RFX3: variants seen among roughly 807,000 people sequenced by gnomAD.
RFX3 encodes the protein regulatory factor X3, also known as transcription factor RFX3.
RFX3 carries 14 observed loss-of-function variants against 98.6 expected under a neutral mutation model. That is an observed-to-expected ratio of 0.14 (90% CI 0.09 to 0.22). The LOEUF is 0.22. RFX3 is among the 10% of genes least tolerant of loss of function. The pLI, the probability that RFX3 is intolerant of heterozygous loss-of-function variation, is 1.00. For synonymous variants in RFX3, 383 were observed against 328.4 expected, an observed-to-expected ratio of 1.17 and a Z score of -1.80; for missense variants, 639 against 926.9, an observed-to-expected ratio of 0.69 and a Z score of 4.03.
intron 2 of RFX3, among the ~76,000 whole-genome samples, chr9:3,352,291 T>C (rs1300203868): frequency 6.6e-6 from 1 of 152,004 alleles, no homozygotes; most frequent in Non-Finnish European, 1.5e-5. Flanking sequence ...TATGTTCGTA[T>C]GTGTATACAA....
intron 3 of RFX3, among the ~76,000 whole-genome samples, chr9:3,343,124 T>C (rs1373343857): frequency 6.6e-6 from 1 of 152,224 alleles, no homozygotes; most frequent in African/African-American, 2.4e-5. Flanking sequence ...TGATTACACA[T>C]ATTCATAAGT....
chr9:3,498,473 A>T (rs1055561516), intron 1 of RFX3, among the ~76,000 whole-genome samples: 1 of 152,074 alleles, frequency 6.6e-6, no homozygotes, highest in African/African-American at 2.4e-5. Context: ...AGAGTGAGAA[A>T]ACACAAATAT....
chr9:3,229,334 C>G (rs913748852), intron 15 of RFX3, among the ~76,000 whole-genome samples: 2 of 152,144 alleles, frequency 1.3e-5, no homozygotes, highest in South Asian at 4.1e-4. Flanking sequence ...AGCAGTTTGG[C>G]TGAACTCTAT....
chr9:3,278,274 C>CA (rs1260923054), intron 7 of RFX3, among the ~76,000 whole-genome samples: 2 of 151,738 alleles, frequency 1.3e-5, no homozygotes, highest in Admixed American at 1.3e-4. Context: ...ATAAGCAAAA[C>CA]AAAATAAGTA....
At chr9:3,425,833 TTTAA>T (rs1452462638) in intron 1 of RFX3, among the ~76,000 whole-genome samples, 1 of 152,240 alleles carries the variant, frequency 6.6e-6, no homozygotes, top group African/African-American at 2.4e-5. Context: ...TTCATTTTTC[TTTAA>T]TTTTCTTCTA....
chr9:3,304,964 G>A (rs753881411), intron 4 of RFX3, among the ~76,000 whole-genome samples: 1 of 152,004 alleles, frequency 6.6e-6, no homozygotes, highest in Non-Finnish European at 1.5e-5. Flanking sequence ...AATGAAAACT[G>A]TGAACTCTCT....
At chr9:3,486,288 T>G (rs1850269810) in intron 1 of RFX3, among the ~76,000 whole-genome samples, 3 of 152,128 alleles carry the variant, frequency 2.0e-5, no homozygotes, top group Admixed American at 2.0e-4. Context: ...GTCTTTTTTA[T>G]GACAAATAAA....
intron 12 of RFX3, 54 bp downstream of exon 12, chr9:3,266,154 C>T (rs936733752): frequency 1.9e-6 from 2 of 1,061,268 alleles, no homozygotes; most frequent in Non-Finnish European, 2.9e-6. Context: ...GTAAAGTTCA[C>T]AATTCAGAAT....
intron 2 of RFX3, among the ~76,000 whole-genome samples, chr9:3,366,233 T>G (rs943203775): frequency 6.6e-6 from 1 of 152,176 alleles, no homozygotes; most frequent in Admixed American, 6.5e-5. Context: ...GAGCATTTTA[T>G]GCCCCGGATG....
chr9:3,284,443 A>G (rs757743673), intron 7 of RFX3, among the ~76,000 whole-genome samples: 1 of 151,710 alleles, frequency 6.6e-6, no homozygotes, highest in African/African-American at 2.4e-5. Context: ...GTGCAAAAAA[A>G]TTATTTTCAT....
intron 2 of RFX3, among the ~76,000 whole-genome samples, chr9:3,356,445 G>A (rs1184169348): frequency 6.6e-6 from 1 of 151,654 alleles, no homozygotes; most frequent in Middle Eastern, 3.2e-3. Flanking sequence ...ACCAAAACTG[G>A]CCCCAAAACA....
At chr9:3,324,654 G>C (rs911404329) in intron 4 of RFX3, among the ~76,000 whole-genome samples, 2 of 151,610 alleles carry the variant, frequency 1.3e-5, no homozygotes, top group Admixed American at 1.3e-4. Flanking sequence ...CTAGAATATT[G>C]TTAGAATAAT....
intron 1 of RFX3, among the ~76,000 whole-genome samples, chr9:3,425,812 C>A (rs151264289): frequency 6.4e-4 from 98 of 152,246 alleles, no homozygotes; most frequent in African/African-American, 2.3e-3. Context: ...CCTTAGGTCC[C>A]TGAATCTCTG....
chr9:3,485,592 C>T (rs1338367760), intron 1 of RFX3, among the ~76,000 whole-genome samples: 2 of 152,118 alleles, frequency 1.3e-5, no homozygotes, highest in Admixed American at 6.5e-5. Flanking sequence ...GTACATAATA[C>T]GGAATTTGTA....
At chr9:3,359,232 C>A (rs753751951) in intron 2 of RFX3, among the ~76,000 whole-genome samples, 4 of 151,836 alleles carry the variant, frequency 2.6e-5, no homozygotes, top group Admixed American at 6.6e-5. Context: ...AAAAGAGGAA[C>A]CAAAAAAGCG....
chr9:3,504,959 ATATATAATATATAT>A (rs1218015182), intron 1 of RFX3, among the ~76,000 whole-genome samples: 4 of 59,608 alleles, frequency 6.7e-5, no homozygotes, highest in Admixed American at 6.6e-4. Flanking sequence ...AATATATATT[ATATATAATATATAT>A]TATATAATAT....
intron 1 of RFX3, among the ~76,000 whole-genome samples, chr9:3,457,139 CAAAAAA>C (rs1169959832): frequency 3.5e-4 from 8 of 22,804 alleles, no homozygotes; most frequent in South Asian, 5.3e-3. Context: ...GACTCCATCT[CAAAAAA>C]AAAAAAAAAA....
intron 1 of RFX3, among the ~76,000 whole-genome samples, chr9:3,423,809 A>ATATATATATC (rs1484813389): frequency 1.4e-5 from 2 of 138,934 alleles, no homozygotes; most frequent in African/African-American, 2.6e-5. Flanking sequence ...ATATATATAT[A>ATATATATATC]TATCTTAAGG....
At chr9:3,290,883 GA>G (rs2131611141) in intron 6 of RFX3, among the ~76,000 whole-genome samples, 2 of 152,256 alleles carry the variant, frequency 1.3e-5, no homozygotes, top group South Asian at 4.2e-4. Context: ...AGAAACAACA[GA>G]AGCGGGCCAC....
Sources: gnomAD v4.1 joint callset for allele counts (sites outside exome capture counted in the v4.1 genomes callset) on GRCh38, gnomAD v4.1.1 for gene constraint, MANE v1.5 for transcripts, NCBI Gene and HGNC (gene_info 2026-07-23, HGNC 2026-07-21) for gene names.